TOX: variants seen among roughly 807,000 people sequenced by gnomAD.
TOX encodes the protein thymocyte selection-associated high mobility group box protein TOX.
A neutral mutation model predicts 53.7 loss-of-function variants in TOX; 11 were observed. The ratio of observed to expected loss-of-function variants is 0.20; its 90% CI spans 0.13 to 0.34. TOX has a LOEUF of 0.34. Among genes scored for constraint, TOX ranks in the 10% least tolerant of loss-of-function variants. The pLI, the probability that TOX is intolerant of heterozygous loss-of-function variation, is 1.00. For missense variants in TOX, 570 were observed against 664.6 expected (o/e 0.86, Z 1.56); for synonymous variants, 225 against 245.3 (o/e 0.92, Z 0.77).
intron 7 of TOX, among the ~76,000 whole-genome samples, chr8:58,810,695 AG>A (rs1345050816): frequency 6.6e-6 from 1 of 152,162 alleles, no homozygotes; most frequent in Admixed American, 6.6e-5. Flanking sequence ...GTAACCTAAA[AG>A]GAAAAAAGTC....
chr8:59,017,345 G>T (rs185232113), intron 1 of TOX, among the ~76,000 whole-genome samples: 3 of 152,132 alleles, frequency 2.0e-5, no homozygotes, highest in African/African-American at 7.2e-5. Flanking sequence ...AAATGGCATT[G>T]TGCATCAGAG....
At chr8:58,943,322 G>A (rs1437293151) in intron 2 of TOX, among the ~76,000 whole-genome samples, 1 of 152,154 alleles carries the variant, frequency 6.6e-6, no homozygotes, top group East Asian at 1.9e-4. Context: ...CAGAAGAGAA[G>A]CCCTGATTAG....
chr8:58,985,516 G>A (rs1813311401), intron 1 of TOX, among the ~76,000 whole-genome samples: 1 of 152,138 alleles, frequency 6.6e-6, no homozygotes, highest in South Asian at 2.1e-4. Context: ...AAGGGAATGG[G>A]GAGTCATTGT....
intron 3 of TOX, among the ~76,000 whole-genome samples, chr8:58,869,555 T>C (rs1811163916): frequency 6.6e-6 from 1 of 152,146 alleles, no homozygotes; most frequent in Non-Finnish European, 1.5e-5. Flanking sequence ...ATTACTCTAA[T>C]ATTAAAACCA....
intron 3 of TOX, among the ~76,000 whole-genome samples, chr8:58,902,469 G>A (rs1200948137): frequency 1.3e-5 from 2 of 152,086 alleles, no homozygotes; most frequent in African/African-American, 4.8e-5. Flanking sequence ...ATTGAGTGCT[G>A]GCAAGGGAAG....
At chr8:59,013,713 A>G (rs958342961) in intron 1 of TOX, among the ~76,000 whole-genome samples, 1 of 152,190 alleles carries the variant, frequency 6.6e-6, no homozygotes, top group African/African-American at 2.4e-5. Context: ...CTGGCCATCA[A>G]ATAGGTTTCT....
chr8:58,939,427 G>C lies in TOX; in HGVS notation c.286C>G (p.Leu96Val). 1 of 1,614,160 alleles carries C rather than the reference G, an allele frequency of 6.2e-7. No individual in the cohort carries two copies. The highest frequency in any genetic ancestry group is 8.5e-7 in the Non-Finnish European group (1 of 1,180,036). ...CCATTATGGTTCATGGGGTGACACA[G>C]AGAATGGTAACCAGACTCAACTTCA... is the stretch of plus-strand genomic sequence containing the variant. ...LNEVESGYHS[L>V]CHPMNHNGLL... is the part of the protein sequence containing the mutation. The change falls in exon 3 of 9, where the codon CTG (leucine) becomes GTG (valine). Residue 96 changes from leucine to valine, a missense_variant. Coordinates refer to ENST00000361421, the MANE Select transcript of TOX (RefSeq NM_014729.3).
At chr8:59,075,915 G>A (rs1476802930) in intron 1 of TOX, among the ~76,000 whole-genome samples, 1 of 151,972 alleles carries the variant, frequency 6.6e-6, no homozygotes, top group South Asian at 2.1e-4. Flanking sequence ...TGAGGCAGGG[G>A]AATCGCTTGA....
At chr8:58,834,557 A>C (rs1198225186) in intron 5 of TOX, among the ~76,000 whole-genome samples, 1 of 152,230 alleles carries the variant, frequency 6.6e-6, no homozygotes, top group Non-Finnish European at 1.5e-5. Flanking sequence ...ATAAAGGGAG[A>C]GAACAGGTGG....
At chr8:58,870,764 G>A (rs1811183546) in intron 3 of TOX, among the ~76,000 whole-genome samples, 2 of 151,956 alleles carry the variant, frequency 1.3e-5, no homozygotes, top group Non-Finnish European at 2.9e-5. Flanking sequence ...AAAGGAGCAA[G>A]GGCAATTCAA....
intron 1 of TOX, among the ~76,000 whole-genome samples, chr8:59,107,740 C>T (rs934040797): frequency 2.6e-5 from 4 of 151,978 alleles, no homozygotes; most frequent in Non-Finnish European, 4.4e-5. Flanking sequence ...GGGCACAGTG[C>T]GATATTTAGA....
chr8:59,094,068 T>C (rs1728781399), intron 1 of TOX, among the ~76,000 whole-genome samples: 1 of 152,150 alleles, frequency 6.6e-6, no homozygotes, highest in African/African-American at 2.4e-5. Context: ...TGACAGACCA[T>C]GATTCTAATT....
At chr8:58,947,685 T>C (rs1209528618) in intron 2 of TOX, among the ~76,000 whole-genome samples, 2 of 152,160 alleles carry the variant, frequency 1.3e-5, no homozygotes, top group African/African-American at 4.8e-5. Flanking sequence ...TAAAGAACAG[T>C]ATATTTGAAG....
chr8:58,971,829 T>C (rs978532821), intron 1 of TOX, among the ~76,000 whole-genome samples: 1 of 152,282 alleles, frequency 6.6e-6, no homozygotes, highest in South Asian at 2.1e-4. Context: ...CAGCTAGGAC[T>C]ACCGGCATGC....
intron 1 of TOX, among the ~76,000 whole-genome samples, chr8:59,004,140 T>C (rs1460613061): frequency 6.6e-6 from 1 of 152,218 alleles, no homozygotes; most frequent in Non-Finnish European, 1.5e-5. Context: ...ATACAGCCTG[T>C]AAATCATCAA....
intron 1 of TOX, among the ~76,000 whole-genome samples, chr8:59,059,353 C>T (rs1212966344): frequency 6.6e-6 from 1 of 151,958 alleles, no homozygotes; most frequent in Non-Finnish European, 1.5e-5. Context: ...TACAGAATCC[C>T]CATTCCAAGT....
At chr8:59,050,371 CAT>C (rs1310417990) in intron 1 of TOX, among the ~76,000 whole-genome samples, 1 of 152,092 alleles carries the variant, frequency 6.6e-6, no homozygotes, top group Admixed American at 6.6e-5. Flanking sequence ...ATGAACCACA[CAT>C]GACTACTCAA....
chr8:58,974,827 G>C (rs1482845287), intron 1 of TOX, among the ~76,000 whole-genome samples: 1 of 152,016 alleles, frequency 6.6e-6, no homozygotes, highest in Admixed American at 6.5e-5. Context: ...GCAAGATGCT[G>C]CATCTTCATT....
At chr8:58,948,286 A>G (rs1812558254) in intron 2 of TOX, among the ~76,000 whole-genome samples, 1 of 152,132 alleles carries the variant, frequency 6.6e-6, no homozygotes, top group Non-Finnish European at 1.5e-5. Context: ...CTCTCTCTCC[A>G]CATACTTCCA....
Sources: gnomAD v4.1 joint callset for allele counts (sites outside exome capture counted in the v4.1 genomes callset) on GRCh38, gnomAD v4.1.1 for gene constraint, MANE v1.5 for transcripts, NCBI Gene and HGNC (gene_info 2026-07-23, HGNC 2026-07-21) for gene names.